Variants in DAB1 observed in about 807,000 individuals in gnomAD.
DAB1 encodes the protein disabled homolog 1.
DAB1 carries 15 observed loss-of-function variants against 64.6 expected under a neutral mutation model. That is an observed-to-expected ratio of 0.23 (90% confidence interval 0.16 to 0.36). DAB1 has a LOEUF of 0.36. Among genes scored for constraint, DAB1 ranks in the 10% least tolerant of loss-of-function variants. DAB1 has a pLI of 1.00. For missense variants in DAB1, 596 were observed against 706.7 expected (o/e 0.84, Z 1.78); for synonymous variants, 235 against 251.9 (o/e 0.93, Z 0.64).
chr1:57,626,773 C>G (rs1014448359), intron 7 of DAB1, among the ~76,000 whole-genome samples: 26 of 152,244 alleles, frequency 1.7e-4, no homozygotes, highest in African/African-American at 5.8e-4. Context: ...TGAGGGATCT[C>G]ACTGGGATTT....
chr1:57,221,125 C>T (rs1413238871), intron 2 of DAB1, among the ~76,000 whole-genome samples: 3 of 152,088 alleles, frequency 2.0e-5, no homozygotes, highest in Non-Finnish European at 4.4e-5. Context: ...GAAACCATCA[C>T]TCTCAGCAAA....
chr1:57,140,532 C>T (rs1402412700), intron 3 of DAB1, among the ~76,000 whole-genome samples: 3 of 152,082 alleles, frequency 2.0e-5, no homozygotes, highest in Non-Finnish European at 4.4e-5. Context: ...ATGATGCATG[C>T]TACAAATATG....
intron 1 of DAB1, among the ~76,000 whole-genome samples, chr1:57,854,569 T>A (rs1339327331): frequency 6.6e-6 from 1 of 152,228 alleles, no homozygotes; most frequent in Non-Finnish European, 1.5e-5. Flanking sequence ...TCCAAGATCA[T>A]GAACACGATA....
rs149544825 is a variant in DAB1 at position 57,275,480 on chromosome 1, G to A, written c.67+15484C>T. Among the ~76,000 whole-genome samples, 1,072 of 152,252 alleles carry A rather than the reference G, an allele frequency of 7.0e-3. 10 individuals are homozygous for A. Among genetic ancestry groups the A allele is most frequent in the Non-Finnish European group, 0.01 (690 of 68,012 alleles). On this transcript the variant is annotated intron_variant, in intron 2 of 14. Coordinates refer to ENST00000371236, the MANE Select transcript of DAB1 (RefSeq NM_001365792.1). ...ATATTAGAAAAATGTATTTTTAGCT[G>A]TTTAAAATTTGAATCCTTTACAGAA... is the stretch of plus-strand genomic sequence containing the variant.
intron 6 of DAB1, among the ~76,000 whole-genome samples, chr1:57,737,626 T>C (rs541498746): frequency 6.6e-6 from 1 of 152,246 alleles, no homozygotes; most frequent in Admixed American, 6.5e-5. Flanking sequence ...GCAGGAACAA[T>C]GAGTGAGTGG....
chr1:57,970,394 C>G (rs1293625707), intron 5 of DAB1, among the ~76,000 whole-genome samples: 1 of 152,104 alleles, frequency 6.6e-6, no homozygotes, highest in Admixed American at 6.5e-5. Context: ...CAGTGGGGGT[C>G]ACCCTGAATC....
At chr1:57,077,451 G>T (rs1238878662) in intron 4 of DAB1, among the ~76,000 whole-genome samples, 2 of 152,172 alleles carry the variant, frequency 1.3e-5, no homozygotes, top group East Asian at 3.8e-4. Context: ...AGGAAGAAAA[G>T]AAAGAAAGAC....
rs574438911 is a variant in DAB1 at position 57,049,450 on chromosome 1, CAAAAAAAAAAAA to C, written c.723+13422_723+13433del. Among the ~76,000 whole-genome samples the C allele has an allele frequency of 2.8e-3, 69 of 24,584 alleles. 5 individuals carry two copies. In the South Asian group the frequency reaches 0.16, roughly 58 times the overall value. The allele number at this position is 24,584 out of a possible 152,430, so 16.1% of individuals were successfully genotyped here. On this transcript the variant is annotated intron_variant, in intron 9 of 14. Transcript: ENST00000371236. ...TGGGCAACAGAGCAAGACTCCGTCT[CAAAAAAAAAAAA>C]AAAAAAAAAAAAAAAGAAGTTAGAG...
At chr1:57,812,684 A>G (rs779594395) in intron 6 of DAB1, among the ~76,000 whole-genome samples, 3 of 152,228 alleles carry the variant, frequency 2.0e-5, no homozygotes, top group Non-Finnish European at 4.4e-5. Flanking sequence ...ACAAACAGTA[A>G]ATGGCATTGT....
chr1:58,489,220 T>C (rs1645631496), intron 3 of DAB1, among the ~76,000 whole-genome samples: 1 of 152,180 alleles, frequency 6.6e-6, no homozygotes, highest in Non-Finnish European at 1.5e-5. Context: ...AGACGGCACC[T>C]GGAAAATTGG....
chr1:58,029,515 G>C (rs866243276), intron 5 of DAB1, among the ~76,000 whole-genome samples: 1 of 152,292 alleles, frequency 6.6e-6, no homozygotes, highest in Middle Eastern at 3.4e-3. Flanking sequence ...TAAAAGGGGA[G>C]GGGGCTGGGA....
At position 58,480,706 on chromosome 1, in the gene DAB1, G is replaced by A. The variant is rs1645465172; in HGVS notation, n.257+25354C>T. 7.1e-6 allele frequency: 2 copies of A among 279,852 alleles called. 1 individual carries two copies. Among genetic ancestry groups the A allele is most frequent in the Non-Finnish European group, 1.3e-5 (2 of 151,476 alleles). The allele number at this position is 279,852 out of a possible 1,614,324, so 17.3% of individuals were successfully genotyped here. ...GGTCTGCCTTCTAAATCAAAAGCAAGTAGAAGACAGAGTAAAATGTGTAAT... is the reference window on the plus strand; with the variant it reads ...GGTCTGCCTTCTAAATCAAAAGCAAATAGAAGACAGAGTAAAATGTGTAAT... On this transcript the variant is annotated intron_variant and non_coding_transcript_variant, in intron 3 of 20. Transcript: ENST00000485760.
At chr1:57,374,899 C>A (rs955857147) in intron 1 of DAB1, among the ~76,000 whole-genome samples, 6 of 152,166 alleles carry the variant, frequency 3.9e-5, no homozygotes, top group African/African-American at 1.2e-4. Flanking sequence ...AGCAGGAAGG[C>A]TGAAAGTCCC....
chr1:58,198,973 G>A (rs1657848134), intron 4 of DAB1, among the ~76,000 whole-genome samples: 1 of 152,152 alleles, frequency 6.6e-6, no homozygotes, highest in Non-Finnish European at 1.5e-5. Context: ...TGGGCACGGT[G>A]GCGCATGCCT....
rs568057155 is a variant in DAB1, at chr1:58,385,844, G to A, written n.258-42441C>T. Among the ~76,000 whole-genome samples the A allele has an allele frequency of 2.6e-5, 4 of 152,306 alleles. No homozygotes were observed. The South Asian group carries it at 8.3e-4, about 32-fold the overall frequency. On this transcript the variant is annotated intron_variant and non_coding_transcript_variant, in intron 3 of 20. Coordinates refer to the DAB1 transcript ENST00000485760. ...AGGTACCAACATTATTGCTTGTAAA[G>A]CTGCTTGGTGAACACTGCGTTAATC...
At chr1:57,622,785 G>A (rs1184221900) in intron 7 of DAB1, among the ~76,000 whole-genome samples, 1 of 152,144 alleles carries the variant, frequency 6.6e-6, no homozygotes, top group Non-Finnish European at 1.5e-5. Context: ...TGAAGTGTAT[G>A]AGAAAATGCC....
chr1:58,411,984 G>A (rs981765928), intron 3 of DAB1, among the ~76,000 whole-genome samples: 4 of 152,132 alleles, frequency 2.6e-5, no homozygotes, highest in Non-Finnish European at 2.9e-5. Flanking sequence ...TGTGATTCAG[G>A]TGAGCTCACC....
At chr1:58,347,650 TC>T (rs961289050) in intron 3 of DAB1, among the ~76,000 whole-genome samples, 3 of 152,180 alleles carry the variant, frequency 2.0e-5, no homozygotes, top group African/African-American at 7.2e-5. Context: ...TGCACTCAGA[TC>T]AATTCTTGCA....
At chr1:57,508,222 A>G (rs1570582606) in intron 7 of DAB1, among the ~76,000 whole-genome samples, 1 of 152,174 alleles carries the variant, frequency 6.6e-6, no homozygotes, top group Admixed American at 6.5e-5. Context: ...CTTCAACAGC[A>G]ATGATTTTCT....
Sources: allele counts gnomAD v4.1 joint callset (sites outside exome capture counted in the v4.1 genomes callset), GRCh38; gene constraint gnomAD v4.1.1; transcripts MANE v1.5; gene names NCBI Gene and HGNC (gene_info 2026-07-23, HGNC 2026-07-21).